Variants in SUCLG2 observed in about 807,000 individuals in gnomAD.
The protein encoded by SUCLG2 is succinate--CoA ligase [GDP-forming] subunit beta, mitochondrial.
A neutral mutation model predicts 47.9 loss-of-function variants in SUCLG2; 42 were observed. That is an observed-to-expected ratio of 0.88 (90% CI 0.69 to 1.14). The LOEUF is 1.14. SUCLG2 is among the 50% of genes most tolerant of loss of function. SUCLG2 has a pLI of 0.00. For missense variants in SUCLG2, 571 were observed against 525.9 expected (o/e 1.09, Z -0.84); for synonymous variants, 195 against 197.3 (o/e 0.99, Z 0.10).
At chr3:67,494,968 G>T (rs1310748975) in intron 9 of SUCLG2, among the ~76,000 whole-genome samples, 1 of 152,294 alleles carries the variant, frequency 6.6e-6, no homozygotes, top group African/African-American at 2.4e-5. Flanking sequence ...TAGTAACTAT[G>T]AAACCAGGTA....
intron 9 of SUCLG2, among the ~76,000 whole-genome samples, chr3:67,406,100 C>G (rs1044628495): frequency 1.3e-5 from 2 of 152,256 alleles, no homozygotes; most frequent in African/African-American, 4.8e-5. Context: ...ACCTACCCCC[C>G]TTTCGCAGAT....
intron 2 of SUCLG2, among the ~76,000 whole-genome samples, chr3:67,542,473 C>T (rs947165970): frequency 1.3e-5 from 2 of 152,100 alleles, no homozygotes; most frequent in African/African-American, 4.8e-5. Context: ...CAAATTCACA[C>T]AAAACAATAT....
intron 7 of SUCLG2, among the ~76,000 whole-genome samples, chr3:67,499,953 G>A (rs1336621343): frequency 3.3e-5 from 5 of 151,958 alleles, no homozygotes; most frequent in East Asian, 1.9e-4. Context: ...GGATGGTCTC[G>A]ATCTCCTGAC....
chr3:67,391,630 A>G (rs2106790563), intron 10 of SUCLG2, among the ~76,000 whole-genome samples: 1 of 152,276 alleles, frequency 6.6e-6, no homozygotes, highest in African/African-American at 2.4e-5. Flanking sequence ...TGGGCCGAGT[A>G]GCTTTGAAAA....
chr3:67,546,390 C>T (rs2634722), intron 2 of SUCLG2, among the ~76,000 whole-genome samples: 18,716 of 152,132 alleles, frequency 0.12, 1,728 homozygotes, highest in East Asian at 0.44. Flanking sequence ...AGCAGTCCTA[C>T]AGGAGGATAC....
intron 9 of SUCLG2, among the ~76,000 whole-genome samples, chr3:67,469,688 C>T (rs1394615658): frequency 2.0e-5 from 3 of 151,566 alleles, no homozygotes; most frequent in Non-Finnish European, 4.4e-5. Context: ...GAGACTGTAC[C>T]ACTGCACTCC....
intron 2 of SUCLG2, among the ~76,000 whole-genome samples, chr3:67,583,946 T>G (rs1445741338): frequency 6.6e-6 from 1 of 152,196 alleles, no homozygotes; most frequent in Non-Finnish European, 1.5e-5. Context: ...GTCAACTGCA[T>G]AGTAACCTCA....
At position 67,508,948 on chromosome 3, in the gene SUCLG2, G is replaced by T. The variant is rs896396480; in HGVS notation, c.661-45C>A. On this transcript the variant is annotated intron_variant, in intron 6 of 10. Coordinates refer to ENST00000307227, the MANE Select transcript of SUCLG2 (RefSeq NM_003848.4). ...ATAGAATTACACCAAAGCAGTAAAA[G>T]AAAATTTATTTTGCTGGATTAATGA... The T allele has an allele frequency of 4.9e-6, 7 of 1,423,544 alleles. No homozygotes were observed. In the South Asian group the frequency reaches 7.9e-5, roughly 16 times the overall value. 88.2% of individuals were successfully genotyped at this position (1,423,544 alleles called of 1,614,324 possible).
chr3:67,498,836 A>G (rs1183950864), intron 7 of SUCLG2, among the ~76,000 whole-genome samples: 1 of 152,174 alleles, frequency 6.6e-6, no homozygotes, highest in Non-Finnish European at 1.5e-5. Context: ...TTTGATCCTT[A>G]ACTAACTCTG....
At chr3:67,638,352 C>T (rs1042175312) in intron 1 of SUCLG2, among the ~76,000 whole-genome samples, 4 of 152,194 alleles carry the variant, frequency 2.6e-5, no homozygotes, top group Non-Finnish European at 5.9e-5. Flanking sequence ...CCAAAACCTG[C>T]CCCCTGCATT....
At chr3:67,506,101 T>C (rs1472928199) in intron 7 of SUCLG2, among the ~76,000 whole-genome samples, 1 of 152,210 alleles carries the variant, frequency 6.6e-6, no homozygotes, top group African/African-American at 2.4e-5. Flanking sequence ...AATTTTACCG[T>C]GAAATGTTCT....
chr3:67,419,648 C>G (rs1703109469), intron 9 of SUCLG2, among the ~76,000 whole-genome samples: 1 of 151,952 alleles, frequency 6.6e-6, no homozygotes. Flanking sequence ...TGATTTGACC[C>G]CCAATTTATG....
In SUCLG2 at chr3:67,503,880, C is replaced by T. The variant is rs140163876; in HGVS notation, c.757+4927G>A. Reference sequence around the variant, plus strand: ...CTGTGAGCTGCTAATTCAACAATCTCGATAGAAAACATGACTGGCAGTTAG... The same window carrying T: ...CTGTGAGCTGCTAATTCAACAATCTTGATAGAAAACATGACTGGCAGTTAG... On this transcript the variant is annotated intron_variant, in intron 7 of 10. Coordinates refer to ENST00000307227, the MANE Select transcript of SUCLG2 (RefSeq NM_003848.4). 5.4e-3 allele frequency among the ~76,000 whole-genome samples: 824 copies of T among 152,048 alleles called. 10 individuals carry two copies. The highest frequency in any genetic ancestry group is 0.019 in the African/African-American group (793 of 41,456).
intron 2 of SUCLG2, 150 bp downstream of exon 2, chr3:67,609,305 G>T: frequency 1.2e-6 from 1 of 800,672 alleles, no homozygotes; most frequent in Non-Finnish European, 1.9e-6. Flanking sequence ...GAGGCAATCT[G>T]GACTTTTTTG....
At chr3:67,475,197 T>G (rs1159082679) in intron 9 of SUCLG2, among the ~76,000 whole-genome samples, 2 of 152,224 alleles carry the variant, frequency 1.3e-5, no homozygotes, top group East Asian at 3.8e-4. Context: ...TAGGAGAATG[T>G]AGTTAAGTCA....
chr3:67,594,078 G>A (rs1468905525), intron 2 of SUCLG2, among the ~76,000 whole-genome samples: 2 of 152,178 alleles, frequency 1.3e-5, no homozygotes, highest in Non-Finnish European at 2.9e-5. Context: ...GAGGCACGTG[G>A]TACAGGCCTG....
At chr3:67,508,995 T>C (rs1575743255) in intron 6 of SUCLG2, 92 bp from the exon 7 acceptor site, 1 of 890,990 alleles carries the variant, frequency 1.1e-6, no homozygotes, top group South Asian at 1.8e-5. Context: ...TAGCAAGTTA[T>C]GTCTTTATTT....
intron 9 of SUCLG2, among the ~76,000 whole-genome samples, chr3:67,416,778 T>C (rs9825584): frequency 0.078 from 11,812 of 152,264 alleles, 513 homozygotes; most frequent in East Asian, 0.11. Context: ...AAATCTACTT[T>C]AAACCCTCCA....
intron 9 of SUCLG2, among the ~76,000 whole-genome samples, chr3:67,475,565 A>G (rs1028681958): frequency 1.2e-4 from 18 of 152,226 alleles, no homozygotes. Flanking sequence ...ATCAAAAGAC[A>G]TGTCTTGTGG....
Sources: allele counts gnomAD v4.1 joint callset (sites outside exome capture counted in the v4.1 genomes callset), GRCh38; gene constraint gnomAD v4.1.1; transcripts MANE v1.5; gene names NCBI Gene and HGNC (gene_info 2026-07-23, HGNC 2026-07-21).